The following ARHGEF26 variants were observed in gnomAD, a reference collection of about 807,000 sequenced individuals.
ARHGEF26 encodes Rho guanine nucleotide exchange factor 26, also known as Rho guanine nucleotide exchange factor (GEF) 26.
ARHGEF26 carries 59 observed loss-of-function variants against 89.4 expected under a neutral mutation model. That is an observed-to-expected ratio of 0.66 (90% CI 0.54 to 0.82). The LOEUF (loss-of-function observed/expected upper bound fraction) is 0.82, where lower values mean the gene tolerates loss of function less well. ARHGEF26 is among the 40% of genes least tolerant of loss of function. ARHGEF26 has a pLI of 0.00. For missense variants in ARHGEF26, 1,234 were observed against 1,085.6 expected (o/e 1.14, Z -1.92); for synonymous variants, 500 against 428.4 (o/e 1.17, Z -2.06).
At chr3:154,123,136 T>G in intron 2 of ARHGEF26, 61 bp downstream of exon 2, 1 of 1,593,550 alleles carries the variant, frequency 6.3e-7, no homozygotes, top group Admixed American at 1.7e-5. Flanking sequence ...GTGTTGGGAG[T>G]GGGGAGGAGG....
At chr3:154,217,366 A>G (rs994830006) in intron 9 of ARHGEF26, among the ~76,000 whole-genome samples, 3 of 151,792 alleles carry the variant, frequency 2.0e-5, no homozygotes, top group African/African-American at 4.8e-5. Context: ...TCCTTCACCC[A>G]CTTTCTGATG....
At chr3:154,222,094 A>G (rs566596044) in intron 10 of ARHGEF26, among the ~76,000 whole-genome samples, 1 of 152,340 alleles carries the variant, frequency 6.6e-6, no homozygotes, top group East Asian at 1.9e-4. Flanking sequence ...GAGAGATTAA[A>G]TTCTTTGCTC....
At chr3:154,162,935 C>T (rs1713808) in intron 6 of ARHGEF26, among the ~76,000 whole-genome samples, 101,104 of 151,918 alleles carry the variant, frequency 0.67, 34,585 homozygotes, top group South Asian at 0.77. Context: ...CTCATTGAGC[C>T]GCCGTATTTG....
chr3:154,125,567 C>T (rs909788633), intron 3 of ARHGEF26, among the ~76,000 whole-genome samples: 2 of 152,164 alleles, frequency 1.3e-5, no homozygotes, highest in Non-Finnish European at 2.9e-5. Flanking sequence ...ATGAAGTGAA[C>T]AGCATCTACC....
chr3:154,157,385 C>T (rs1163002709), intron 6 of ARHGEF26, among the ~76,000 whole-genome samples: 1 of 151,978 alleles, frequency 6.6e-6, no homozygotes, highest in Non-Finnish European at 1.5e-5. Flanking sequence ...GTTTAAAGGC[C>T]CTTGGTGAAA....
intron 8 of ARHGEF26, 29 bp from the exon 9 acceptor site, chr3:154,194,615 A>G: frequency 1.3e-6 from 2 of 1,519,024 alleles, no homozygotes; most frequent in Non-Finnish European, 1.8e-6. Flanking sequence ...ATAGATCAAT[A>G]AATTTTGTTC....
Position 154,257,424 on chromosome 3 carries a change from G to A in ARHGEF26, c.*1951G>A, listed in dbSNP as rs1718591730. 1 of 152,398 alleles carries A rather than the reference G, an allele frequency of 6.6e-6. No individual in the cohort carries two copies. Among genetic ancestry groups the A allele is most frequent in the African/African-American group, 2.4e-5 (1 of 41,460 alleles). 9.4% of individuals were successfully genotyped at this position (152,398 alleles called of 1,614,324 possible). A position where few individuals can be genotyped will look rare whatever the true frequency, so the allele number is the denominator to read the frequency against. On this transcript the variant is annotated 3_prime_UTR_variant, in exon 15 of 15. Transcript: ENST00000465093. ...TAATCTGTCATGTTTTATTTAGGAA[G>A]GAAGGTAAATTTGTGCTTGCACGGG... is the stretch of plus-strand genomic sequence containing the variant.
chr3:154,242,984 G>C lies in ARHGEF26; in HGVS notation c.2300+2405G>C, dbSNP rs1246832557. On this transcript the variant is annotated intron_variant, in intron 12 of 14. Transcript: ENST00000465093. ...TGTGGGGAGGTGAGCTTGGGTGGGCGTGTGCTTGCTGATCTGTGAGGTGAC... is the reference window on the plus strand; with the variant it reads ...TGTGGGGAGGTGAGCTTGGGTGGGCCTGTGCTTGCTGATCTGTGAGGTGAC... Among the ~76,000 whole-genome samples, 4 of 152,136 alleles carry C rather than the reference G, an allele frequency of 2.6e-5. No homozygotes were observed. The East Asian group carries it at 7.7e-4, about 29-fold the overall frequency.
chr3:154,176,245 G>C (rs1190213371), intron 6 of ARHGEF26, among the ~76,000 whole-genome samples: 2 of 152,242 alleles, frequency 1.3e-5, no homozygotes, highest in Non-Finnish European at 1.5e-5. Flanking sequence ...CTGGCTGGGA[G>C]CCAGCTCTGC....
intron 6 of ARHGEF26, among the ~76,000 whole-genome samples, chr3:154,182,709 A>G (rs1443809402): frequency 6.6e-6 from 1 of 152,204 alleles, no homozygotes; most frequent in Admixed American, 6.5e-5. Flanking sequence ...GGTGGGCAAG[A>G]TCAGCTCACC....
rs774184358 is a variant in ARHGEF26 at position 154,255,520 on chromosome 3, C to T, written c.*47C>T. ...ACTGCAAGATTTGCACGACACTTAC[C>T]GGGCTGGTTGGTTCTGGGCTAGTTT... is the stretch of plus-strand genomic sequence containing the variant. On this transcript the variant is annotated 3_prime_UTR_variant, in exon 15 of 15. Coordinates refer to ENST00000465093, the MANE Select transcript of ARHGEF26 (RefSeq NM_015595.4). 5.1e-5 allele frequency: 81 copies of T among 1,585,772 alleles called. No homozygotes were observed. The highest frequency in any genetic ancestry group is 6.4e-5 in the Non-Finnish European group (75 of 1,167,754).
rs184351959 is a variant in ARHGEF26 at position 154,220,656 on chromosome 3, G to A, written c.1935+2698G>A. 4.6e-5 allele frequency among the ~76,000 whole-genome samples: 7 copies of A among 152,236 alleles called. No homozygotes were observed. In the East Asian group the frequency reaches 1.4e-3, roughly 29 times the overall value. The stretch of plus-strand genomic sequence containing the variant: ...CTGCGGACAGCCCTGTGTACCAAGA[G>A]GAGGAGCTGAGTGAGGTCATTTGGG... On this transcript the variant is annotated intron_variant, in intron 10 of 14. Coordinates refer to ENST00000465093, the MANE Select transcript of ARHGEF26 (RefSeq NM_015595.4).
chr3:154,137,088 C>T (rs1305300899), intron 4 of ARHGEF26, among the ~76,000 whole-genome samples: 1 of 152,228 alleles, frequency 6.6e-6, no homozygotes, highest in South Asian at 2.1e-4. Context: ...ATATTTTTCC[C>T]CTCCAAAACT....
intron 12 of ARHGEF26, 124 bp downstream of exon 12, chr3:154,240,703 C>G: frequency 2.6e-6 from 2 of 779,330 alleles, no homozygotes; most frequent in Non-Finnish European, 4.0e-6. Context: ...ACCTACTGTT[C>G]GCTAAGCACT....
In ARHGEF26 at chr3:154,257,108, AG is replaced by A. The variant is rs1289496121; in HGVS notation, c.*1639del. ...TTGTAAAGCTACAGAAGCCCAGTTGAGGGGTAAGTGTGCCTGGCTCACACAG... is the reference window on the plus strand; with the variant it reads ...TTGTAAAGCTACAGAAGCCCAGTTGAGGGTAAGTGTGCCTGGCTCACACAG... On this transcript the variant is annotated 3_prime_UTR_variant, in exon 15 of 15. Coordinates refer to ENST00000465093, the MANE Select transcript of ARHGEF26 (RefSeq NM_015595.4). 34 of 1,169,066 alleles carry A rather than the reference AG, an allele frequency of 2.9e-5. No individual in the cohort carries two copies. In the East Asian group the frequency reaches 4.4e-4, roughly 15 times the overall value. 72.4% of individuals were successfully genotyped at this position (1,169,066 alleles called of 1,614,324 possible).
At chr3:154,180,270 T>G (rs1034479905) in intron 6 of ARHGEF26, among the ~76,000 whole-genome samples, 5 of 152,122 alleles carry the variant, frequency 3.3e-5, no homozygotes, top group Non-Finnish European at 5.9e-5. Flanking sequence ...TGGACATTTT[T>G]GAGATGATGG....
chr3:154,232,100 G>A (rs1716862555), intron 11 of ARHGEF26, among the ~76,000 whole-genome samples: 1 of 152,154 alleles, frequency 6.6e-6, no homozygotes, highest in Non-Finnish European at 1.5e-5. Context: ...TTCAGGGCTT[G>A]CTTAGTTCAG....
chr3:154,222,906 G>A (rs959684154), intron 10 of ARHGEF26, among the ~76,000 whole-genome samples: 3 of 152,140 alleles, frequency 2.0e-5, no homozygotes, highest in African/African-American at 7.2e-5. Context: ...GAAGACAGGA[G>A]AGCTTATCCT....
intron 12 of ARHGEF26, among the ~76,000 whole-genome samples, chr3:154,248,324 C>T (rs775450496): frequency 3.3e-5 from 5 of 152,110 alleles, no homozygotes; most frequent in African/African-American, 4.8e-5. Context: ...GCATTGTTTG[C>T]AGGGAGTCTT....
Sources: allele counts gnomAD v4.1 joint callset (sites outside exome capture counted in the v4.1 genomes callset), GRCh38; gene constraint gnomAD v4.1.1; transcripts MANE v1.5; gene names NCBI Gene and HGNC (gene_info 2026-07-23, HGNC 2026-07-21).